The following ATP13A5 variants were observed in gnomAD, a reference collection of about 807,000 sequenced individuals.
ATP13A5 encodes the protein probable cation-transporting ATPase 13A5.
Under a neutral mutation model 150.2 loss-of-function variants are expected in ATP13A5, and 149 were observed. That is an observed-to-expected ratio of 0.99 (90% CI 0.87 to 1.14). The LOEUF (loss-of-function observed/expected upper bound fraction) is 1.14, where lower values mean the gene tolerates loss of function less well. Among genes scored for constraint, ATP13A5 ranks in the 50% most tolerant of loss-of-function variants. The probability of loss-of-function intolerance (pLI) is 0.00; values close to 1 mark genes in which losing one functional copy is unlikely to be tolerated. For missense variants in ATP13A5, 1,383 were observed against 1,449.3 expected (o/e 0.95, Z 0.74); for synonymous variants, 497 against 522.2 (o/e 0.95, Z 0.66).
intron 21 of ATP13A5, among the ~76,000 whole-genome samples, chr3:193,310,046 A>C (rs1718782844): frequency 6.6e-6 from 1 of 151,904 alleles, no homozygotes; most frequent in African/African-American, 2.4e-5. Context: ...AGTAGACCCC[A>C]ATATCTGTGT....
chr3:193,337,229 C>T (rs975305989), intron 9 of ATP13A5, among the ~76,000 whole-genome samples: 13 of 152,128 alleles, frequency 8.5e-5, no homozygotes, highest in Non-Finnish European at 1.9e-4. Context: ...TGTGCAGAAG[C>T]TCTTTAGTTT....
At chr3:193,352,574 C>T (rs539489805) in intron 6 of ATP13A5, among the ~76,000 whole-genome samples, 1 of 151,966 alleles carries the variant, frequency 6.6e-6, no homozygotes, top group African/African-American at 2.4e-5. Flanking sequence ...AACACATTGA[C>T]CCCTGGAGAA....
chr3:193,283,931 T>C (rs1239698055), intron 27 of ATP13A5, among the ~76,000 whole-genome samples: 1 of 150,948 alleles, frequency 6.6e-6, no homozygotes, highest in Non-Finnish European at 1.5e-5. Flanking sequence ...ATTAATAGTG[T>C]CTCACTTCAC....
At chr3:193,332,773 A>G (rs1239727654) in intron 11 of ATP13A5, among the ~76,000 whole-genome samples, 1 of 152,108 alleles carries the variant, frequency 6.6e-6, no homozygotes, top group East Asian at 1.9e-4. Context: ...ACCCACAAGA[A>G]GTTGGGGTCT....
intron 24 of ATP13A5, among the ~76,000 whole-genome samples, chr3:193,300,110 G>C (rs1194107547): frequency 1.3e-5 from 2 of 152,098 alleles, no homozygotes; most frequent in Non-Finnish European, 2.9e-5. Flanking sequence ...TGTTTGAAAG[G>C]CTGCCATTGG....
At chr3:193,346,738 A>G (rs1712354013) in intron 7 of ATP13A5, among the ~76,000 whole-genome samples, 1 of 152,158 alleles carries the variant, frequency 6.6e-6, no homozygotes, top group Non-Finnish European at 1.5e-5. Context: ...GTTAATATTT[A>G]TATGGAAAAA....
chr3:193,291,083 T>C (rs941052047), intron 25 of ATP13A5, among the ~76,000 whole-genome samples: 1 of 152,116 alleles, frequency 6.6e-6, no homozygotes, highest in Non-Finnish European at 1.5e-5. Flanking sequence ...TAAAACTCTA[T>C]AGTATTTCTT....
At chr3:193,282,405 C>A (rs1341600491) in intron 27 of ATP13A5, among the ~76,000 whole-genome samples, 4 of 151,202 alleles carry the variant, frequency 2.6e-5, no homozygotes, top group Non-Finnish European at 4.4e-5. Context: ...GACGGAGTCT[C>A]GCTCTGTTGC....
chr3:193,287,202 A>T (rs1717756942), intron 26 of ATP13A5, among the ~76,000 whole-genome samples: 2 of 152,160 alleles, frequency 1.3e-5, no homozygotes, highest in Admixed American at 6.6e-5. Flanking sequence ...GCAAGTCTTG[A>T]TGTAGCAGCT....
intron 28 of ATP13A5, among the ~76,000 whole-genome samples, chr3:193,278,192 C>CT (rs2108813433): frequency 6.6e-6 from 1 of 152,316 alleles, no homozygotes; most frequent in East Asian, 1.9e-4. Context: ...CTTTGTAACT[C>CT]TAGTACCAAA....
chr3:193,360,719 C>G (rs2108899252), intron 5 of ATP13A5, among the ~76,000 whole-genome samples: 1 of 152,176 alleles, frequency 6.6e-6, no homozygotes, highest in Non-Finnish European at 1.5e-5. Flanking sequence ...CTCTGTTGCC[C>G]AGGCTAAAGT....
intron 26 of ATP13A5, among the ~76,000 whole-genome samples, chr3:193,285,415 T>A (rs1717679908): frequency 6.6e-6 from 1 of 152,196 alleles, no homozygotes; most frequent in East Asian, 1.9e-4. Context: ...TCAATTAAAC[T>A]GTGTGTGTGT....
intron 27 of ATP13A5, 148 bp from the exon 28 acceptor site, chr3:193,279,602 T>C: frequency 1.6e-6 from 1 of 631,266 alleles, no homozygotes; most frequent in East Asian, 2.9e-5. Context: ...TGAAATATGT[T>C]CTAATGCTTA....
intron 7 of ATP13A5, among the ~76,000 whole-genome samples, chr3:193,346,308 T>C (rs1178754146): frequency 6.6e-6 from 1 of 152,142 alleles, no homozygotes; most frequent in East Asian, 1.9e-4. Context: ...GTTAGGACTC[T>C]GTGAAAAGTG....
chr3:193,334,828 C>T (rs1711783972), intron 10 of ATP13A5, 101 bp downstream of exon 10: 2 of 1,064,226 alleles, frequency 1.9e-6, no homozygotes, highest in Admixed American at 2.4e-5. Flanking sequence ...GTTGTTACTA[C>T]CAGAATGTGG....
At chr3:193,374,653 A>G (rs992679504) in intron 1 of ATP13A5, among the ~76,000 whole-genome samples, 13 of 151,734 alleles carry the variant, frequency 8.6e-5, no homozygotes, top group South Asian at 2.1e-4. Context: ...ACACACACAC[A>G]CACACACACA....
chr3:193,333,725 G>A (rs778511327), intron 11 of ATP13A5, 25 bp downstream of exon 11: 3 of 1,604,778 alleles, frequency 1.9e-6, no homozygotes, highest in Non-Finnish European at 2.6e-6. Context: ...CTATACTATT[G>A]AAAAGCCTTA....
intron 1 of ATP13A5, among the ~76,000 whole-genome samples, chr3:193,368,340 T>C (rs1020251252): frequency 6.6e-6 from 1 of 151,958 alleles, no homozygotes; most frequent in Non-Finnish European, 1.5e-5. Context: ...CGAAGAGCTG[T>C]ATTAAGTTTG....
At chr3:193,354,932 C>A (rs1432629696) in intron 5 of ATP13A5, among the ~76,000 whole-genome samples, 3 of 85,728 alleles carry the variant, frequency 3.5e-5, no homozygotes, top group Admixed American at 1.2e-4. Flanking sequence ...TGAATCACAA[C>A]AATGTAACTT....
Sources: gnomAD v4.1 joint callset for allele counts (sites outside exome capture counted in the v4.1 genomes callset) on GRCh38, gnomAD v4.1.1 for gene constraint, MANE v1.5 for transcripts, NCBI Gene and HGNC (gene_info 2026-07-23, HGNC 2026-07-21) for gene names.